The following RTN1 variants were observed in gnomAD, a reference collection of about 807,000 sequenced individuals.
The protein encoded by RTN1 is reticulon 1.
A neutral mutation model predicts 65.5 loss-of-function variants in RTN1; 25 were observed. The observed-to-expected ratio is 0.38, with a 90% CI of 0.28 to 0.53. The LOEUF (loss-of-function observed/expected upper bound fraction) is 0.53. Among genes scored for constraint, RTN1 ranks in the 20% least tolerant of loss-of-function variants. The probability of loss-of-function intolerance (pLI) is 0.79; values close to 1 mark genes in which losing one functional copy is unlikely to be tolerated. For synonymous variants in RTN1, 471 were observed against 447.6 expected, an observed-to-expected ratio of 1.05 and a Z score of -0.66; for missense variants, 983 against 1,025.4, an observed-to-expected ratio of 0.96 and a Z score of 0.57.
chr14:59,808,203 G>A (rs1309343929), intron 1 of RTN1, among the ~76,000 whole-genome samples: 1 of 152,170 alleles, frequency 6.6e-6, no homozygotes, highest in Non-Finnish European at 1.5e-5. Context: ...CATCTTCAGT[G>A]TGGAATGTGA....
chr14:59,687,077 C>T (rs1230771714), intron 3 of RTN1, among the ~76,000 whole-genome samples: 3 of 152,164 alleles, frequency 2.0e-5, no homozygotes, highest in Admixed American at 1.3e-4. Context: ...GGAGGAGAGC[C>T]GCTACAGCTG....
At chr14:59,635,818 T>C (rs1372531518) in intron 3 of RTN1, among the ~76,000 whole-genome samples, 1 of 152,230 alleles carries the variant, frequency 6.6e-6, no homozygotes, top group Admixed American at 6.5e-5. Context: ...TGATAGGTTC[T>C]TGGAAACTGC....
At chr14:59,804,656 C>T (rs575344879) in intron 1 of RTN1, among the ~76,000 whole-genome samples, 9 of 151,972 alleles carry the variant, frequency 5.9e-5, no homozygotes, top group Non-Finnish European at 8.8e-5. Context: ...ATGGTTGGTA[C>T]GGGTGACAGT....
intron 3 of RTN1, 70 bp downstream of exon 3, chr14:59,726,849 G>T: frequency 7.3e-7 from 1 of 1,362,612 alleles, no homozygotes; most frequent in Non-Finnish European, 1.0e-6. Context: ...AGCCAGAACC[G>T]CCCCTGCTGA....
intron 1 of RTN1, among the ~76,000 whole-genome samples, chr14:59,828,451 T>C (rs1230725875): frequency 6.6e-6 from 1 of 152,154 alleles, no homozygotes; most frequent in African/African-American, 2.4e-5. Context: ...TTGTGGAGAA[T>C]GCTGGCTAGA....
intron 1 of RTN1, among the ~76,000 whole-genome samples, chr14:59,750,091 A>ATC (rs1885420009): frequency 1.7e-5 from 1 of 57,908 alleles, no homozygotes; most frequent in East Asian, 4.2e-4. Context: ...ATAGACATAT[A>ATC]TATTATATAT....
intron 1 of RTN1, among the ~76,000 whole-genome samples, chr14:59,768,674 C>T (rs1885895608): frequency 6.6e-6 from 1 of 152,076 alleles, no homozygotes; most frequent in Non-Finnish European, 1.5e-5. Flanking sequence ...CACTAACATG[C>T]TAATATGGTT....
chr14:59,827,179 C>T (rs1205423087), intron 1 of RTN1, among the ~76,000 whole-genome samples: 5 of 152,088 alleles, frequency 3.3e-5, no homozygotes, highest in African/African-American at 4.8e-5. Context: ...CCCGGGTTCA[C>T]GCCATTCTCC....
At chr14:59,664,013 C>A (rs566505777) in intron 3 of RTN1, among the ~76,000 whole-genome samples, 1 of 152,246 alleles carries the variant, frequency 6.6e-6, no homozygotes, top group East Asian at 1.9e-4. Context: ...AACACACATG[C>A]ACACGTATGT....
chr14:59,765,184 A>G (rs1172866993), intron 1 of RTN1, among the ~76,000 whole-genome samples: 1 of 152,190 alleles, frequency 6.6e-6, no homozygotes, highest in Non-Finnish European at 1.5e-5. Context: ...AGATAAAAAG[A>G]GGTTCAAGCA....
At chr14:59,859,706 G>C (rs1214665847) in intron 1 of RTN1, among the ~76,000 whole-genome samples, 1 of 152,220 alleles carries the variant, frequency 6.6e-6, no homozygotes, top group Non-Finnish European at 1.5e-5. Flanking sequence ...TTGACCAAAA[G>C]CCTGATAGCA....
At chr14:59,612,014 A>G (rs992570704) in intron 3 of RTN1, among the ~76,000 whole-genome samples, 6 of 152,134 alleles carry the variant, frequency 3.9e-5, no homozygotes, top group East Asian at 1.9e-4. Context: ...CCCATTGTGA[A>G]TTACCATTTG....
chr14:59,665,926 C>A (rs571023140), intron 3 of RTN1, among the ~76,000 whole-genome samples: 4 of 152,228 alleles, frequency 2.6e-5, no homozygotes, highest in Non-Finnish European at 5.9e-5. Context: ...TACAGGAGCA[C>A]CCAGATTCAT....
chr14:59,767,781 A>C (rs1261625593), intron 1 of RTN1, among the ~76,000 whole-genome samples: 1 of 152,168 alleles, frequency 6.6e-6, no homozygotes, highest in African/African-American at 2.4e-5. Flanking sequence ...TCTCCCTTCC[A>C]ATGTTTTCAT....
chr14:59,765,703 T>C (rs561434350), intron 1 of RTN1, among the ~76,000 whole-genome samples: 26 of 152,256 alleles, frequency 1.7e-4, no homozygotes, highest in African/African-American at 6.0e-4. Context: ...ACCAAATGTG[T>C]TCTGGAAAGG....
At chr14:59,679,612 C>T (rs1258771537) in intron 3 of RTN1, among the ~76,000 whole-genome samples, 1 of 152,158 alleles carries the variant, frequency 6.6e-6, no homozygotes, top group Non-Finnish European at 1.5e-5. Context: ...TTAATAATTT[C>T]ATTGTTAATC....
chr14:59,634,908 G>C (rs951606348), intron 3 of RTN1, among the ~76,000 whole-genome samples: 1 of 152,160 alleles, frequency 6.6e-6, no homozygotes, highest in Non-Finnish European at 1.5e-5. Context: ...TTACAGAAAT[G>C]TGCAGGGGCT....
chr14:59,767,109 T>G (rs570431467), intron 1 of RTN1, among the ~76,000 whole-genome samples: 6 of 152,306 alleles, frequency 3.9e-5, no homozygotes, highest in South Asian at 4.1e-4. Context: ...CTGCCTTTCT[T>G]CCCTTTAGTA....
At chr14:59,773,776 G>A (rs1459344381) in intron 1 of RTN1, among the ~76,000 whole-genome samples, 1 of 152,054 alleles carries the variant, frequency 6.6e-6, no homozygotes, top group African/African-American at 2.4e-5. Context: ...AAAGCTTACT[G>A]TCTTTCTTCT....
Sources: gnomAD v4.1 joint callset for allele counts (sites outside exome capture counted in the v4.1 genomes callset) on GRCh38, gnomAD v4.1.1 for gene constraint, MANE v1.5 for transcripts, NCBI Gene and HGNC (gene_info 2026-07-23, HGNC 2026-07-21) for gene names.